DOCK10: variants seen among roughly 807,000 people sequenced by gnomAD.
DOCK10 encodes dedicator of cytokinesis protein 10.
Under a neutral mutation model 280.1 loss-of-function variants are expected in DOCK10, and 145 were observed. That is an observed-to-expected ratio of 0.52 (90% CI 0.45 to 0.59). The LOEUF (loss-of-function observed/expected upper bound fraction) is 0.59. Ranked by LOEUF, DOCK10 falls within the 20% of genes least tolerant of loss-of-function variation. DOCK10 has a pLI of 0.00. For missense variants in DOCK10, 2,368 were observed against 2,651.7 expected, an observed-to-expected ratio of 0.89 and a Z score of 2.35; for synonymous variants, 915 against 942.2, an observed-to-expected ratio of 0.97 and a Z score of 0.53.
chr2:224,941,236 A>G (rs966182400), intron 1 of DOCK10, among the ~76,000 whole-genome samples: 1 of 151,522 alleles, frequency 6.6e-6, no homozygotes, highest in African/African-American at 2.4e-5. Flanking sequence ...TGGATTTTGA[A>G]GACTTCAACA....
At chr2:224,926,948 A>G (rs1276594859) in intron 2 of DOCK10, among the ~76,000 whole-genome samples, 1 of 152,248 alleles carries the variant, frequency 6.6e-6, no homozygotes, top group Non-Finnish European at 1.5e-5. Context: ...GCTAGAGGCT[A>G]CTGTCTAACA....
At chr2:225,004,110 T>TA (rs1201752514) in intron 1 of DOCK10, among the ~76,000 whole-genome samples, 1 of 152,218 alleles carries the variant, frequency 6.6e-6, no homozygotes, top group East Asian at 1.9e-4. Context: ...CCCCCAAAGA[T>TA]ATGCCCATAT....
chr2:224,941,698 G>C (rs1703090863), intron 1 of DOCK10, among the ~76,000 whole-genome samples: 1 of 152,016 alleles, frequency 6.6e-6, no homozygotes, highest in Non-Finnish European at 1.5e-5. Flanking sequence ...ACAAAAATTA[G>C]CCAGGCGTGG....
chr2:224,787,976 T>C (rs185005046), intron 48 of DOCK10, among the ~76,000 whole-genome samples: 1 of 152,238 alleles, frequency 6.6e-6, no homozygotes, highest in East Asian at 1.9e-4. Flanking sequence ...ATCTGTGTTA[T>C]AGATGCACCT....
At chr2:224,780,058 C>G (rs1348286716) in intron 50 of DOCK10, among the ~76,000 whole-genome samples, 5 of 152,138 alleles carry the variant, frequency 3.3e-5, no homozygotes, top group Non-Finnish European at 7.3e-5. Flanking sequence ...CGTATGTGTA[C>G]CAGGCATAAC....
chr2:224,833,655 ATC>A (rs57683084), intron 26 of DOCK10, among the ~76,000 whole-genome samples: 212 of 148,198 alleles, frequency 1.4e-3, no homozygotes, highest in Non-Finnish European at 1.3e-3. Flanking sequence ...CTATCTATGT[ATC>A]TCTCTCTCTC....
intron 1 of DOCK10, among the ~76,000 whole-genome samples, chr2:224,976,607 A>G (rs1488456497): frequency 3.3e-5 from 5 of 151,430 alleles, no homozygotes; most frequent in African/African-American, 1.2e-4. Context: ...AACAACAGGT[A>G]CCCAGGGAAA....
intron 1 of DOCK10, among the ~76,000 whole-genome samples, chr2:224,946,180 T>A (rs942007850): frequency 2.6e-5 from 4 of 152,276 alleles, no homozygotes; most frequent in African/African-American, 9.6e-5. Flanking sequence ...TAAAGTTCTA[T>A]ACATTCTACA....
intron 7 of DOCK10, among the ~76,000 whole-genome samples, chr2:224,879,090 G>A (rs1317531171): frequency 2.0e-5 from 3 of 152,210 alleles, no homozygotes; most frequent in Admixed American, 1.3e-4. Flanking sequence ...TAGAATAGAA[G>A]TATGTGGACA....
chr2:224,874,859 T>C (rs1698524012), intron 8 of DOCK10, 108 bp from the exon 9 acceptor site: 1 of 916,668 alleles, frequency 1.1e-6, no homozygotes, highest in Non-Finnish European at 1.8e-6. Context: ...AAGAGGGACG[T>C]TGGTGAGCCT....
At chr2:225,035,587 T>TATAAAA (rs1553634969) in intron 1 of DOCK10, among the ~76,000 whole-genome samples, 14 of 111,218 alleles carry the variant, frequency 1.3e-4, no homozygotes, top group South Asian at 7.8e-4. Context: ...TATATATATA[T>TATAAAA]AACACTGAAT....
At chr2:225,038,430 C>T (rs1365220312) in intron 1 of DOCK10, among the ~76,000 whole-genome samples, 4 of 152,156 alleles carry the variant, frequency 2.6e-5, no homozygotes, top group African/African-American at 2.4e-5. Flanking sequence ...TCAAAGGTTC[C>T]GCTTCTTACT....
At chr2:224,806,303 G>T in intron 33 of DOCK10, 66 bp from the exon 34 acceptor site, 1 of 861,070 alleles carries the variant, frequency 1.2e-6, no homozygotes, top group Non-Finnish European at 1.8e-6. Flanking sequence ...ACCCACATAT[G>T]CCTTCTTCGT....
At chr2:225,021,759 C>G (rs189523277) in intron 1 of DOCK10, among the ~76,000 whole-genome samples, 3 of 152,136 alleles carry the variant, frequency 2.0e-5, no homozygotes, top group Non-Finnish European at 4.4e-5. Context: ...TGTCTCTTCT[C>G]CAAGACATAA....
intron 9 of DOCK10, 135 bp from the exon 10 acceptor site, chr2:224,874,484 TA>T: frequency 1.1e-6 from 1 of 921,798 alleles, no homozygotes. Context: ...GCAAATCTTG[TA>T]AAAGTATGTT....
intron 44 of DOCK10, 24 bp downstream of exon 44, chr2:224,796,292 A>G (rs748844600): frequency 1.4e-6 from 2 of 1,426,868 alleles, no homozygotes; most frequent in South Asian, 1.2e-5. Context: ...ATTCTGCAGT[A>G]AAAGCCCACA....
At chr2:224,937,571 A>G (rs1216420444) in intron 1 of DOCK10, among the ~76,000 whole-genome samples, 1 of 152,122 alleles carries the variant, frequency 6.6e-6, no homozygotes, top group Non-Finnish European at 1.5e-5. Flanking sequence ...AATGGTAGTC[A>G]TAATGAAGAG....
chr2:224,883,954 A>T (rs1298039169), intron 7 of DOCK10, among the ~76,000 whole-genome samples: 1 of 152,204 alleles, frequency 6.6e-6, no homozygotes, highest in African/African-American at 2.4e-5. Flanking sequence ...AAAGGATAAT[A>T]TTTAACATTT....
At chr2:224,969,331 A>G (rs995999839) in intron 1 of DOCK10, among the ~76,000 whole-genome samples, 1 of 152,212 alleles carries the variant, frequency 6.6e-6, no homozygotes, top group Non-Finnish European at 1.5e-5. Context: ...TGTAGCGAAC[A>G]TCTTCTAAGA....
Sources: allele counts gnomAD v4.1 joint callset (sites outside exome capture counted in the v4.1 genomes callset), GRCh38; gene constraint gnomAD v4.1.1; transcripts MANE v1.5; gene names NCBI Gene and HGNC (gene_info 2026-07-23, HGNC 2026-07-21).